The following ENG variants were observed in gnomAD, a reference collection of about 807,000 sequenced individuals.
The protein encoded by ENG is endoglin, also known as CD105 antigen.
A neutral mutation model predicts 71.0 loss-of-function variants in ENG; 17 were observed. The observed-to-expected ratio is 0.24, with a 90% CI of 0.16 to 0.36. The LOEUF (loss-of-function observed/expected upper bound fraction) is 0.36, where lower values mean the gene tolerates loss of function less well. Ranked by LOEUF, ENG falls within the 10% of genes least tolerant of loss-of-function variation. ENG has a pLI of 1.00. For missense variants in ENG, 749 were observed against 868.3 expected (o/e 0.86, Z 1.73); for synonymous variants, 360 against 366.9 (o/e 0.98, Z 0.21).
intron 10 of ENG, chr9:127,819,232 C>T (rs1016384238): frequency 2.8e-5 from 9 of 325,966 alleles, no homozygotes; most frequent in South Asian, 8.8e-5. Flanking sequence ...CCACTGCGCC[C>T]GGCCCTTTTT....
Position 127,825,724 on chromosome 9 carries a change from G to T in ENG, c.660C>A (p.Ile220=). 1 of 1,596,538 alleles carries T rather than the reference G, an allele frequency of 6.3e-7. No homozygotes were observed. The part of the protein sequence containing the change: ...EGVAGHKEAH[I]LRVLPGHSAG... The stretch of plus-strand genomic sequence containing the variant: ...CCGAGTGGCCCGGCAGGACCCTCAG[G>T]ATGTGCGCCTCCTTGTGGCCGGCCA... Residue 220 remains isoleucine, a synonymous_variant, in exon 5 of 15, where the codon ATC becomes ATA. Transcript: ENST00000373203.
Position 127,824,291 on chromosome 9 carries a change from G to C in ENG, c.1134+13C>G. ...CATGTCATCCTGAGCCAGAGGGGCA[G>C]GAGTTCCCTTACCGCAACAAGCTCT... On this transcript the variant is annotated intron_variant, in intron 8 of 14. Transcript: ENST00000373203. The C allele has an allele frequency of 1.9e-6, 3 of 1,614,116 alleles. No individual in the cohort carries two copies. The highest frequency in any genetic ancestry group is 2.5e-6 in the Non-Finnish European group (3 of 1,179,988).
At chr9:127,831,229 C>A (rs566367926) in intron 2 of ENG, among the ~76,000 whole-genome samples, 48 of 149,154 alleles carry the variant, frequency 3.2e-4, no homozygotes, top group African/African-American at 1.1e-3. Context: ...GATGTGATCT[C>A]GGCTCACTGC....
chr9:127,824,186 G>T, intron 8 of ENG, 118 bp downstream of exon 8: 1 of 1,441,068 alleles, frequency 6.9e-7, no homozygotes, highest in Non-Finnish European at 9.7e-7. Flanking sequence ...GGAAAACTAA[G>T]GCTTGCAGAG....
At chr9:127,820,256 C>T (rs1830439169) in intron 8 of ENG, among the ~76,000 whole-genome samples, 2 of 152,064 alleles carry the variant, frequency 1.3e-5, no homozygotes, top group Admixed American at 6.5e-5. Flanking sequence ...TGCAGTGGCT[C>T]GATCTTGGCT....
chr9:127,833,385 G>T (rs943318629), intron 2 of ENG, among the ~76,000 whole-genome samples: 2 of 152,064 alleles, frequency 1.3e-5, no homozygotes, highest in Admixed American at 1.3e-4. Context: ...GCCAGGTGTG[G>T]TGGCGCATGC....
Position 127,843,145 on chromosome 9 carries a change from C to T in ENG, c.168G>A (p.Gln56=). Residue 56 remains glutamine (Q), a synonymous_variant, in exon 2 of 15, where the codon CAG becomes CAA. Coordinates refer to ENST00000373203, the MANE Select transcript of ENG (RefSeq NM_001114753.3). ...GGACTTCAAGGATGGCATTGGGGGC[C>T]TGAGCCACGCAGCCCTTCGAGACCT... ...TSQVSKGCVA[Q]APNAILEVHV... 2 of 1,614,254 alleles carry T rather than the reference C, an allele frequency of 1.2e-6. No individual in the cohort carries two copies. Among genetic ancestry groups the T allele is most frequent in the South Asian group, 1.1e-5 (1 of 91,090 alleles).
rs780428074 is a variant in ENG, at chr9:127,818,108, G to C, written c.1686+12C>G. 6.2e-7 allele frequency: 1 copy of C among 1,614,088 alleles called. No individual in the cohort carries two copies. The highest frequency in any genetic ancestry group is 8.5e-7 in the Non-Finnish European group (1 of 1,180,042). ...CCCACTTGAAGCTGGGGCCGGCCCAGGCCCCACTCACCTGGTCTTGAGACC... is the reference window on the plus strand; with the variant it reads ...CCCACTTGAAGCTGGGGCCGGCCCACGCCCCACTCACCTGGTCTTGAGACC... On this transcript the variant is annotated intron_variant, in intron 12 of 14. Coordinates refer to ENST00000373203, the MANE Select transcript of ENG (RefSeq NM_001114753.3).
At position 127,846,868 on chromosome 9, in the gene ENG, C is replaced by G. The variant is rs1831179433; in HGVS notation, c.68-3623G>C. The G allele has an allele frequency of 4.1e-6, 4 of 985,504 alleles. No individual in the cohort carries two copies. The South Asian group carries it at 1.9e-4, about 46-fold the overall frequency. The allele number at this position is 985,504 out of a possible 1,614,324, so 61.0% of individuals were successfully genotyped here. On this transcript the variant is annotated intron_variant, in intron 1 of 14. Coordinates refer to ENST00000373203, the MANE Select transcript of ENG (RefSeq NM_001114753.3). This position sits in a 1 kb window ranked among gnomAD's most constrained non-coding sequence, Gnocchi z 5.5. ...GAGAGACCCAGAAGCCACCTCCCAC[C>G]ACTGTCCCCTCTCCACCCTCGCCAC...
Position 127,815,721 on chromosome 9 carries a change from G to A in ENG, c.1938C>T (p.Ser646=), listed in dbSNP as rs1162408114. The A allele has an allele frequency of 2.6e-6, 4 of 1,560,420 alleles. No individual in the cohort carries two copies. The highest frequency in any genetic ancestry group is 2.6e-6 in the Non-Finnish European group (3 of 1,158,356). ...TGGTGGAGCAGGGGGTGCTCTGGGT[G>A]CTCCCGATGCTGTGGTTGGTGCTGC... ...ESSSTNHSIG[S]TQSTPCSTSS... The change falls in exon 15 of 15, where the codon AGC becomes AGT. Residue 646 remains serine (S), a synonymous_variant. Transcript: ENST00000373203.
At chr9:127,849,011 TCCTGGTCATGTGCTTTGACCTCACAAACC>T (rs1350487899) in intron 1 of ENG, among the ~76,000 whole-genome samples, 2 of 152,190 alleles carry the variant, frequency 1.3e-5, no homozygotes, top group African/African-American at 4.8e-5. Flanking sequence ...TCCTGACTCA[TCCTGGTCATGTGCTTTGACCTCACAAACC>T]CCTGGTCACC....
chr9:127,819,238 T>TG, intron 10 of ENG: 1 of 144,684 alleles, frequency 6.9e-6, no homozygotes, highest in Non-Finnish European at 1.5e-5. Context: ...CGCCCGGCCC[T>TG]TTTTTTTTTT....
chr9:127,823,596 G>A (rs896083720), intron 8 of ENG, among the ~76,000 whole-genome samples: 6 of 150,766 alleles, frequency 4.0e-5, no homozygotes, highest in African/African-American at 7.3e-5. Flanking sequence ...CACTGTGTTA[G>A]CCAGGATGGT....
At position 127,843,121 on chromosome 9, in the gene ENG, G is replaced by A. The variant is rs373988146; in HGVS notation, c.192C>T (p.Val64=). The change falls in exon 2 of 15, where the codon GTC becomes GTT. Residue 64 remains valine, a synonymous_variant. Transcript: ENST00000373203. The part of the protein sequence containing the change: ...VAQAPNAILE[V]HVLFLEFPTG... ...TTGGGAACTCCAGGAAGAGGACATG[G>A]ACTTCAAGGATGGCATTGGGGGCCT... 5.6e-6 allele frequency: 9 copies of A among 1,614,078 alleles called. No individual in the cohort carries two copies. In the Admixed American group the frequency reaches 6.7e-5, roughly 12 times the overall value.
chr9:127,834,941 GT>G (rs1830860848), intron 2 of ENG, among the ~76,000 whole-genome samples: 1 of 151,856 alleles, frequency 6.6e-6, no homozygotes, highest in East Asian at 1.9e-4. Context: ...TTTCTAGTGG[GT>G]TTATAACTTT....
chr9:127,820,319 G>A (rs1564453732), intron 8 of ENG, among the ~76,000 whole-genome samples: 1 of 151,848 alleles, frequency 6.6e-6, no homozygotes, highest in Non-Finnish European at 1.5e-5. Flanking sequence ...TTGGCCTCCT[G>A]AGTTGCTGGG....
intron 1 of ENG, among the ~76,000 whole-genome samples, chr9:127,853,998 T>C (rs943105787): frequency 6.6e-6 from 1 of 152,244 alleles, no homozygotes; most frequent in Non-Finnish European, 1.5e-5. Context: ...CACAGCATTC[T>C]GGGACCTAGG....
rs751043726 is a variant in ENG, at chr9:127,826,520, T to A, written c.513A>T (p.Arg171=). 6.2e-7 allele frequency: 1 copy of A among 1,614,018 alleles called. No homozygotes were observed. Among genetic ancestry groups the A allele is most frequent in the East Asian group, 2.2e-5 (1 of 44,880 alleles). Residue 171 remains arginine, a synonymous_variant, in exon 4 of 15, where the codon CGA becomes CGT. Transcript: ENST00000373203. ...ELNDPQSILL[R]LGQAQGSLSF... is the part of the protein sequence containing the mutation. Reference sequence around the variant, plus strand: ...GCTGGGGAAACTGACCTTGGCCCAGTCGGAGGAGGATGCTCTGGGGGTCAT... The same window carrying A: ...GCTGGGGAAACTGACCTTGGCCCAGACGGAGGAGGATGCTCTGGGGGTCAT...
rs557060922 is a variant in ENG at position 127,825,300 on chromosome 9, G to A, written c.747C>T (p.Ala249=). ...AGGGGGGACCCTGCAGGATGAGGAC[G>A]GCATCGAGATCCCCGGGTGCGCAGC... ...ELSCAPGDLD[A]VLILQGPPYV... The change falls in exon 6 of 15, where the codon GCC becomes GCT. Residue 249 remains alanine (A), a synonymous_variant. Coordinates refer to ENST00000373203, the MANE Select transcript of ENG (RefSeq NM_001114753.3). The A allele has an allele frequency of 1.7e-5, 27 of 1,611,516 alleles. No individual in the cohort carries two copies. Among genetic ancestry groups the A allele is most frequent in the South Asian group, 1.3e-4 (12 of 90,962 alleles).
Sources: allele counts gnomAD v4.1 joint callset (sites outside exome capture counted in the v4.1 genomes callset), GRCh38; gene constraint gnomAD v4.1.1; non-coding constraint Gnocchi (gnomAD v3.1); transcripts MANE v1.5; gene names NCBI Gene and HGNC (gene_info 2026-07-23, HGNC 2026-07-21).